GCSAML: variants seen among roughly 807,000 people sequenced by gnomAD.
GCSAML encodes the protein germinal center associated signaling and motility like.
GCSAML carries 9 observed loss-of-function variants against 13.0 expected under a neutral mutation model. That is an observed-to-expected ratio of 0.69 (90% CI 0.42 to 1.21). The LOEUF is 1.21. GCSAML is among the 50% of genes most tolerant of loss of function. The probability of loss-of-function intolerance (pLI) is 0.00; values close to 1 mark genes in which losing one functional copy is unlikely to be tolerated. For missense variants in GCSAML, 143 were observed against 153.4 expected, an observed-to-expected ratio of 0.93 and a Z score of 0.36; for synonymous variants, 37 against 52.9, an observed-to-expected ratio of 0.70 and a Z score of 1.31.
chr1:247,516,511 A>G (rs1666214289), intron 1 of GCSAML, among the ~76,000 whole-genome samples: 1 of 151,354 alleles, frequency 6.6e-6, no homozygotes, highest in Non-Finnish European at 1.5e-5. Flanking sequence ...CAGTTTCTAA[A>G]GTGTCCCTTA....
intron 1 of GCSAML, among the ~76,000 whole-genome samples, chr1:247,515,586 C>A (rs1666182566): frequency 6.6e-6 from 1 of 152,184 alleles, no homozygotes; most frequent in Non-Finnish European, 1.5e-5. Context: ...AATTGACTCA[C>A]AGTTCTGCAG....
intron 1 of GCSAML, among the ~76,000 whole-genome samples, chr1:247,522,199 G>A (rs961514647): frequency 3.3e-5 from 5 of 150,986 alleles, no homozygotes; most frequent in Non-Finnish European, 5.9e-5. Context: ...GCCCTGTCTG[G>A]GAGGTGGGGG....
chr1:247,546,605 C>G (rs888132853), upstream of GCSAML, among the ~76,000 whole-genome samples: 1 of 151,988 alleles, frequency 6.6e-6, no homozygotes, highest in Non-Finnish European at 1.5e-5. Flanking sequence ...TCATGATCCA[C>G]CCGCCTCGGC....
At chr1:247,545,754 A>C (rs11808992), upstream of GCSAML, among the ~76,000 whole-genome samples, 3 of 152,130 alleles carry the variant, frequency 2.0e-5, no homozygotes, top group Admixed American at 2.0e-4. Context: ...TATTTTTGCT[A>C]TTGAGCTGTG....
chr1:247,524,330 C>A (rs1666570493), intron 1 of GCSAML, among the ~76,000 whole-genome samples: 1 of 152,190 alleles, frequency 6.6e-6, no homozygotes, highest in African/African-American at 2.4e-5. Flanking sequence ...TCTTCCAAAG[C>A]CTTGATACTG....
chr1:247,549,604 C>T (rs945127936), intron 1 of GCSAML, among the ~76,000 whole-genome samples: 5 of 152,112 alleles, frequency 3.3e-5, no homozygotes, highest in Admixed American at 1.3e-4. Context: ...TTTCATCTGG[C>T]AACCCTACAC....
At chr1:247,550,652 C>CA (rs59575324) in intron 1 of GCSAML, among the ~76,000 whole-genome samples, 28,994 of 149,152 alleles carry the variant, frequency 0.19, 3,162 homozygotes, top group African/African-American at 0.3. Context: ...AACAAACAAA[C>CA]AAAAAAAAAT....
rs1056549198 is a variant in GCSAML at position 247,574,474 on chromosome 1, A to G, written c.*92A>G. On this transcript the variant is annotated 3_prime_UTR_variant, in exon 5 of 5. Coordinates refer to ENST00000366488, the MANE Select transcript of GCSAML (RefSeq NM_145278.5). ...TTGTTCACCCTGAGCAGTGCATGAAACATTCCTTTCTGGCTAAAGTTTAGA... is the reference window on the plus strand; with the variant it reads ...TTGTTCACCCTGAGCAGTGCATGAAGCATTCCTTTCTGGCTAAAGTTTAGA... 5.1e-6 allele frequency: 7 copies of G among 1,374,194 alleles called. No homozygotes were observed. The highest frequency in any genetic ancestry group is 7.0e-6 in the Non-Finnish European group (7 of 1,000,668). The allele number at this position is 1,374,194 out of a possible 1,614,324, so 85.1% of individuals were successfully genotyped here. A position where few individuals can be genotyped will look rare whatever the true frequency, so the allele number is the denominator to read the frequency against.
chr1:247,545,663 CATTTGTATGTCT>C, upstream of GCSAML, among the ~76,000 whole-genome samples: 1 of 152,236 alleles, frequency 6.6e-6, no homozygotes, highest in South Asian at 2.1e-4. Context: ...ACCTCTTGGC[CATTTGTATGTCT>C]TCTTTGGAGA....
chr1:247,546,004 T>C (rs1667555898), upstream of GCSAML, among the ~76,000 whole-genome samples: 1 of 152,076 alleles, frequency 6.6e-6, no homozygotes, highest in Admixed American at 6.5e-5. Flanking sequence ...TCGGAGATGA[T>C]AGATATCTTT....
At chr1:247,535,172 G>A (rs1274154656) in intron 2 of GCSAML, among the ~76,000 whole-genome samples, 3 of 152,138 alleles carry the variant, frequency 2.0e-5, no homozygotes, top group South Asian at 2.1e-4. Flanking sequence ...TAAAATGACT[G>A]AGTGTGGCTG....
chr1:247,572,020 C>G (rs1572381821), intron 4 of GCSAML, among the ~76,000 whole-genome samples: 1 of 152,054 alleles, frequency 6.6e-6, no homozygotes, highest in African/African-American at 2.4e-5. Context: ...GTATGCTTCA[C>G]GAAGTTTTCG....
At chr1:247,559,350 A>T (rs372767701) in intron 2 of GCSAML, among the ~76,000 whole-genome samples, 10 of 152,080 alleles carry the variant, frequency 6.6e-5, no homozygotes, top group Admixed American at 5.2e-4. Flanking sequence ...TCTTTCTTTC[A>T]TATGGATTCT....
chr1:247,560,219 A>G (rs1668077077), intron 2 of GCSAML, among the ~76,000 whole-genome samples: 1 of 152,216 alleles, frequency 6.6e-6, no homozygotes, highest in Non-Finnish European at 1.5e-5. Context: ...TGAGTGGCTG[A>G]ATTCCCCATT....
chr1:247,526,652 G>C lies in GCSAML; in HGVS notation c.-262-288G>C. On this transcript the variant is annotated intron_variant, in intron 1 of 5. Transcript: ENST00000366489. This position sits in a 1 kb window ranked among gnomAD's most constrained non-coding sequence, Gnocchi z 4.8. ...CATGACCCTCACAGTGTGCAGCATGGGAGGAAACCCATACATGAAGTAGAG... is the reference window on the plus strand; with the variant it reads ...CATGACCCTCACAGTGTGCAGCATGCGAGGAAACCCATACATGAAGTAGAG... 3.1e-6 allele frequency: 1 copy of C among 319,526 alleles called. No homozygotes were observed. 19.8% of individuals were successfully genotyped at this position (319,526 alleles called of 1,614,324 possible).
At chr1:247,573,730 A>G (rs935952474) in intron 4 of GCSAML, among the ~76,000 whole-genome samples, 1 of 152,198 alleles carries the variant, frequency 6.6e-6, no homozygotes, top group African/African-American at 2.4e-5. Context: ...CTGCGAAGAA[A>G]GTCGGGGAGC....
At chr1:247,570,030 T>G (rs1311026162) in intron 4 of GCSAML, among the ~76,000 whole-genome samples, 1 of 152,240 alleles carries the variant, frequency 6.6e-6, no homozygotes, top group Non-Finnish European at 1.5e-5. Flanking sequence ...GTAGTTTGTA[T>G]TTCTGTGGAA....
intron 2 of GCSAML, among the ~76,000 whole-genome samples, chr1:247,563,138 C>G (rs529224000): frequency 5.9e-5 from 9 of 152,018 alleles, no homozygotes; most frequent in South Asian, 2.1e-4. Context: ...ATAAGCCATC[C>G]CACCCGGCCA....
intron 1 of GCSAML, among the ~76,000 whole-genome samples, chr1:247,519,024 C>T (rs1236945970): frequency 6.6e-6 from 1 of 152,120 alleles, no homozygotes; most frequent in African/African-American, 2.4e-5. Context: ...TGTGCCACTG[C>T]ACTCCAGCCT....
Sources: allele counts gnomAD v4.1 joint callset (sites outside exome capture counted in the v4.1 genomes callset), GRCh38; gene constraint gnomAD v4.1.1; non-coding constraint Gnocchi (gnomAD v3.1); transcripts MANE v1.5; gene names NCBI Gene and HGNC (gene_info 2026-07-23, HGNC 2026-07-21).